Variants in CD44 observed in about 807,000 individuals in gnomAD.
CD44 encodes CD44 molecule (IN blood group), also known as CD44 antigen.
Under a neutral mutation model 88.8 loss-of-function variants are expected in CD44, and 49 were observed. The ratio of observed to expected loss-of-function variants is 0.55; its 90% confidence interval spans 0.44 to 0.70. The LOEUF (loss-of-function observed/expected upper bound fraction) is 0.70, where lower values mean the gene tolerates loss of function less well. CD44 is among the 30% of genes least tolerant of loss of function. CD44 has a pLI of 0.00. For missense variants in CD44, 883 were observed against 913.8 expected, an observed-to-expected ratio of 0.97 and a Z score of 0.43; for synonymous variants, 325 against 312.3, an observed-to-expected ratio of 1.04 and a Z score of -0.43.
At chr11:35,155,918 CG>C (rs1213448758) in intron 1 of CD44, among the ~76,000 whole-genome samples, 1 of 152,142 alleles carries the variant, frequency 6.6e-6, no homozygotes, top group East Asian at 1.9e-4. Flanking sequence ...ATATTAACAT[CG>C]TGGTTGGCAT....
At chr11:35,192,921 A>G (rs1301045485) in intron 5 of CD44, among the ~76,000 whole-genome samples, 2 of 151,382 alleles carry the variant, frequency 1.3e-5, no homozygotes, top group African/African-American at 2.4e-5. Flanking sequence ...GACAAAAATA[A>G]CGCCTATTTC....
At chr11:35,192,357 G>A (rs994678822) in intron 5 of CD44, among the ~76,000 whole-genome samples, 1 of 152,182 alleles carries the variant, frequency 6.6e-6, no homozygotes, top group African/African-American at 2.4e-5. Context: ...GCCAGGAAAA[G>A]TCAGCACTGT....
At chr11:35,180,207 G>T in intron 2 of CD44, 67 bp from the exon 3 acceptor site, 1 of 1,493,882 alleles carries the variant, frequency 6.7e-7, no homozygotes, top group Admixed American at 1.7e-5. Context: ...AAATGTCATT[G>T]AATGGGATAT....
chr11:35,208,527 T>C (rs1948105428), intron 12 of CD44, among the ~76,000 whole-genome samples: 1 of 152,226 alleles, frequency 6.6e-6, no homozygotes, highest in Non-Finnish European at 1.5e-5. Flanking sequence ...TTTCTCTATG[T>C]TTTAACTGAC....
At position 35,201,807 on chromosome 11, in the gene CD44, G is replaced by C. The variant is rs751843285; in HGVS notation, c.1153+20G>C. The C allele has an allele frequency of 1.5e-5, 24 of 1,612,640 alleles. No individual in the cohort carries two copies. Among genetic ancestry groups the C allele is most frequent in the Non-Finnish European group, 2.0e-5 (23 of 1,179,124 alleles). Reference sequence around the variant, plus strand: ...GCACAAGTAAGCAAGATGGCGGTCGGCAGTTCTGGGTTAGATGAATTAGTA... The same window carrying C: ...GCACAAGTAAGCAAGATGGCGGTCGCCAGTTCTGGGTTAGATGAATTAGTA... On this transcript the variant is annotated intron_variant, in intron 9 of 17. Transcript: ENST00000428726.
At chr11:35,169,693 C>T (rs1943665905) in intron 1 of CD44, among the ~76,000 whole-genome samples, 2 of 152,210 alleles carry the variant, frequency 1.3e-5, no homozygotes, top group Admixed American at 6.5e-5. Flanking sequence ...GCTATTATTC[C>T]TCGCAGGCCC....
At chr11:35,144,856 C>T (rs984028506) in intron 1 of CD44, among the ~76,000 whole-genome samples, 3 of 152,240 alleles carry the variant, frequency 2.0e-5, no homozygotes, top group Non-Finnish European at 2.9e-5. Context: ...AAGAAATTCA[C>T]ATCTTTACAA....
intron 4 of CD44, among the ~76,000 whole-genome samples, 194 bp downstream of exon 4, chr11:35,187,094 G>A (rs758106730): frequency 9.9e-5 from 15 of 151,986 alleles, no homozygotes; most frequent in African/African-American, 3.4e-4. Context: ...ACAATATGGC[G>A]AAACCTTATC....
At chr11:35,224,594 G>T (rs369146196) in intron 17 of CD44, among the ~76,000 whole-genome samples, 3 of 152,032 alleles carry the variant, frequency 2.0e-5, no homozygotes, top group Non-Finnish European at 4.4e-5. Context: ...AAAATTAGCC[G>T]GGCATAGTGG....
intron 1 of CD44, among the ~76,000 whole-genome samples, chr11:35,150,718 T>C (rs1192634148): frequency 6.6e-6 from 1 of 152,230 alleles, no homozygotes; most frequent in Non-Finnish European, 1.5e-5. Context: ...TTCAGTCATC[T>C]GTCTCTCCAG....
intron 2 of CD44, among the ~76,000 whole-genome samples, chr11:35,179,178 A>G (rs187561445): frequency 3.3e-5 from 5 of 152,300 alleles, no homozygotes; most frequent in Admixed American, 2.0e-4. Flanking sequence ...AGACATTTCC[A>G]TGGGTCGTGC....
At chr11:35,185,336 G>T (rs1051829379) in intron 3 of CD44, among the ~76,000 whole-genome samples, 1 of 152,150 alleles carries the variant, frequency 6.6e-6, no homozygotes, top group African/African-American at 2.4e-5. Context: ...CCAATTGAAT[G>T]TATAAAACTG....
In CD44 at chr11:35,221,669, T is replaced by C. The variant is rs759238445; in HGVS notation, c.1961T>C (p.Leu654Ser). Reference sequence around the variant, plus strand: ...CTCATACCAGAATGGCTGATCATCTTGGCATCCCTCTTGGCCTTGGCTTTG... The same window carrying C: ...CTCATACCAGAATGGCTGATCATCTCGGCATCCCTCTTGGCCTTGGCTTTG... ...TPQIPEWLIILASLLALALIL... is the reference protein window; with the variant it reads ...TPQIPEWLIISASLLALALIL... The change falls in exon 17 of 18, where the codon TTG (leucine) becomes TCG (serine). Residue 654 changes from leucine to serine, a missense_variant. Physicochemically the swap from Leu to Ser is moderately radical, Grantham distance 145 (BLOSUM62 -2). This residue lies in a region of CD44 where 631 missense variants were observed against 590.9 expected (regional missense o/e 1.07). Transcript: ENST00000428726. The C allele has an allele frequency of 2.5e-6, 4 of 1,614,064 alleles. No individual in the cohort carries two copies. The highest frequency in any genetic ancestry group is 8.5e-7 in the Non-Finnish European group (1 of 1,179,872).
intron 1 of CD44, among the ~76,000 whole-genome samples, chr11:35,157,904 C>T (rs190173377): frequency 3.3e-5 from 5 of 152,248 alleles, no homozygotes; most frequent in East Asian, 1.9e-4. Context: ...GGGGAGTGCT[C>T]GGTGTGGCTC....
chr11:35,207,496 T>C (rs1331874330), intron 11 of CD44, among the ~76,000 whole-genome samples: 6 of 152,210 alleles, frequency 3.9e-5, no homozygotes, highest in African/African-American at 1.4e-4. Context: ...TACTCAACAT[T>C]GTACATGTTA....
intron 1 of CD44, among the ~76,000 whole-genome samples, chr11:35,169,797 T>G (rs1005458021): frequency 2.0e-5 from 3 of 152,206 alleles, no homozygotes; most frequent in Non-Finnish European, 2.9e-5. Flanking sequence ...ATAGATGAGA[T>G]TAATGGCATT....
At chr11:35,182,044 T>C (rs1452839558) in intron 3 of CD44, among the ~76,000 whole-genome samples, 1 of 132,384 alleles carries the variant, frequency 7.6e-6, no homozygotes, top group African/African-American at 2.9e-5. Flanking sequence ...CACATTTATA[T>C]ATATAAAATC....
At chr11:35,152,423 T>C (rs979727301) in intron 1 of CD44, among the ~76,000 whole-genome samples, 1 of 152,184 alleles carries the variant, frequency 6.6e-6, no homozygotes, top group Non-Finnish European at 1.5e-5. Context: ...CTGCTCTAAT[T>C]CCCACCCTGT....
intron 1 of CD44, among the ~76,000 whole-genome samples, chr11:35,163,104 A>G (rs527985960): frequency 2.0e-5 from 3 of 152,230 alleles, no homozygotes; most frequent in African/African-American, 7.2e-5. Context: ...GCATCACTTC[A>G]TTGCTAATAT....
Sources: gnomAD v4.1 joint callset for allele counts (sites outside exome capture counted in the v4.1 genomes callset) on GRCh38, gnomAD v4.1.1 for gene constraint, gnomAD v4.1.1 regional missense constraint, MANE v1.5 for transcripts, NCBI Gene and HGNC (gene_info 2026-07-23, HGNC 2026-07-21) for gene names.